TIAM2: variants seen among roughly 807,000 people sequenced by gnomAD.
TIAM2 encodes the protein TIAM Rac1 associated GEF 2, also known as rho guanine nucleotide exchange factor TIAM2.
TIAM2 carries 80 observed loss-of-function variants against 152.9 expected under a neutral mutation model. The observed-to-expected ratio is 0.52, with a 90% CI of 0.44 to 0.63. TIAM2 has a LOEUF of 0.63. Ranked by LOEUF, TIAM2 falls within the 30% of genes least tolerant of loss-of-function variation. The pLI, the probability that TIAM2 is intolerant of heterozygous loss-of-function variation, is 0.00. For synonymous variants in TIAM2, 804 were observed against 838.0 expected, an observed-to-expected ratio of 0.96 and a Z score of 0.70; for missense variants, 1,965 against 2,120.1, an observed-to-expected ratio of 0.93 and a Z score of 1.44.
intron 5 of TIAM2, among the ~76,000 whole-genome samples, chr6:155,142,898 C>T (rs1230276776): frequency 4.6e-5 from 7 of 152,130 alleles, no homozygotes; most frequent in Admixed American, 4.6e-4. Flanking sequence ...GTGCTGTTAT[C>T]GGTTCTATTG....
intron 15 of TIAM2, among the ~76,000 whole-genome samples, chr6:155,229,856 C>T (rs534140306): frequency 1.1e-4 from 16 of 152,216 alleles, no homozygotes; most frequent in African/African-American, 3.4e-4. Flanking sequence ...TCTTACATGG[C>T]GGCAGGCAAG....
At chr6:155,100,034 C>T (rs1365668432) in intron 2 of TIAM2, among the ~76,000 whole-genome samples, 3 of 137,990 alleles carry the variant, frequency 2.2e-5, no homozygotes, top group South Asian at 2.2e-4. Context: ...GTGGAACCAC[C>T]GTATATGCAG....
intron 1 of TIAM2, among the ~76,000 whole-genome samples, chr6:155,020,494 C>T (rs1021724025): frequency 6.6e-6 from 1 of 152,074 alleles, no homozygotes; most frequent in African/African-American, 2.4e-5. Context: ...TGGAGTCTTG[C>T]TCTGTCTCCC....
chr6:155,163,507 G>A (rs1780328592), intron 7 of TIAM2, among the ~76,000 whole-genome samples: 1 of 152,198 alleles, frequency 6.6e-6, no homozygotes, highest in African/African-American at 2.4e-5. Flanking sequence ...GAAGTTCATA[G>A]TAACTTCTGT....
At chr6:155,217,617 T>C (rs551422011) in intron 15 of TIAM2, among the ~76,000 whole-genome samples, 1 of 152,360 alleles carries the variant, frequency 6.6e-6, no homozygotes. Flanking sequence ...TAGTTATTCT[T>C]GATGAAATAA....
intron 5 of TIAM2, among the ~76,000 whole-genome samples, chr6:155,139,576 A>G (rs933529751): frequency 9.9e-5 from 15 of 152,170 alleles, no homozygotes; most frequent in Non-Finnish European, 1.8e-4. Context: ...AAGAGATAAG[A>G]AAGTTCTGCT....
chr6:155,183,541 A>G lies in TIAM2; in HGVS notation c.3064+41A>G, dbSNP rs779169166. ...GTCTTCCTTCTTAACTGCTGGTATCAACAGCCAATATTTTTAGGCTGTAAT... is the reference window on the plus strand; with the variant it reads ...GTCTTCCTTCTTAACTGCTGGTATCGACAGCCAATATTTTTAGGCTGTAAT... On this transcript the variant is annotated intron_variant, in intron 14 of 26. Transcript: ENST00000682666. 4 of 1,552,544 alleles carry G rather than the reference A, an allele frequency of 2.6e-6. No individual in the cohort carries two copies. The Admixed American group carries it at 8.0e-5, about 31-fold the overall frequency.
intron 1 of TIAM2, among the ~76,000 whole-genome samples, chr6:155,018,306 ACTTGCTT>A (rs746753448): frequency 9.9e-5 from 15 of 151,332 alleles, no homozygotes; most frequent in Non-Finnish European, 2.1e-4. Flanking sequence ...AATTAATTTC[ACTTGCTT>A]CTTATTTTTT....
At chr6:155,182,168 T>G (rs949879543) in intron 12 of TIAM2, 58 bp from the exon 13 acceptor site, 2 of 1,420,090 alleles carry the variant, frequency 1.4e-6, no homozygotes, top group Non-Finnish European at 2.0e-6. Flanking sequence ...CCGGTGTGGT[T>G]GGAGAAATTC....
intron 20 of TIAM2, 38 bp from the exon 21 acceptor site, chr6:155,249,813 T>C: frequency 6.5e-7 from 1 of 1,545,690 alleles, no homozygotes; most frequent in Middle Eastern, 1.7e-4. Context: ...CTAAAACAAA[T>C]AACAGTTATG....
intron 2 of TIAM2, among the ~76,000 whole-genome samples, chr6:155,095,014 G>A (rs374976022): frequency 6.6e-6 from 1 of 152,184 alleles, no homozygotes; most frequent in East Asian, 1.9e-4. Context: ...CATGGAGAAG[G>A]AGTTGCCTGG....
intron 2 of TIAM2, among the ~76,000 whole-genome samples, chr6:155,108,903 C>G (rs1778761358): frequency 6.6e-6 from 1 of 152,036 alleles, no homozygotes; most frequent in Admixed American, 6.6e-5. Flanking sequence ...GTATGTGCCT[C>G]TAGGTTTGAC....
At chr6:155,127,687 G>C in intron 3 of TIAM2, 87 bp downstream of exon 3, 1 of 432,762 alleles carries the variant, frequency 2.3e-6, no homozygotes, top group South Asian at 1.7e-5. Flanking sequence ...ATTTGGGCTA[G>C]CGATTTTGGT....
intron 15 of TIAM2, among the ~76,000 whole-genome samples, chr6:155,235,274 T>C (rs1468488893): frequency 1.3e-5 from 2 of 152,210 alleles, no homozygotes; most frequent in African/African-American, 2.4e-5. Flanking sequence ...TAGCAGTTAC[T>C]TGATGGAATA....
rs1304734641 is a variant in TIAM2, at chr6:155,213,249, A to C, written c.3168+1942A>C. Among the ~76,000 whole-genome samples, 5 of 152,196 alleles carry C rather than the reference A, an allele frequency of 3.3e-5. No individual in the cohort carries two copies. The highest frequency in any genetic ancestry group is 5.9e-5 in the Non-Finnish European group (4 of 68,040). ...CAAGGGGAGGGTGAGCAAGGTGAAGAGGAGCTTTATTGAGCTGTAGAACAG... is the reference window on the plus strand; with the variant it reads ...CAAGGGGAGGGTGAGCAAGGTGAAGCGGAGCTTTATTGAGCTGTAGAACAG... On this transcript the variant is annotated intron_variant, in intron 15 of 26. Transcript: ENST00000682666. The surrounding 1 kb of genome is among the most constrained non-coding windows in gnomAD (Gnocchi z 4.2).
chr6:155,020,449 G>A (rs1481766203), intron 1 of TIAM2, among the ~76,000 whole-genome samples: 1 of 151,996 alleles, frequency 6.6e-6, no homozygotes, highest in Non-Finnish European at 1.5e-5. Flanking sequence ...TCAAATTACT[G>A]TATTAGCCTT....
In TIAM2 at chr6:155,066,054, C is replaced by T. The variant is rs889636337; in HGVS notation, c.-208-24235C>T. 2.6e-5 allele frequency among the ~76,000 whole-genome samples: 4 copies of T among 152,350 alleles called. No homozygotes were observed. The East Asian group carries it at 7.7e-4, about 29-fold the overall frequency. On this transcript the variant is annotated intron_variant, in intron 1 of 26. Coordinates refer to ENST00000682666, the MANE Select transcript of TIAM2 (RefSeq NM_012454.4). ...TAGCATTTAACTTTTGAAACTCTAA[C>T]TCCACTCTGAAGCCTTCCCGGAAAA...
At chr6:155,143,731 T>C (rs1011457060) in intron 5 of TIAM2, among the ~76,000 whole-genome samples, 1 of 152,128 alleles carries the variant, frequency 6.6e-6, no homozygotes, top group Non-Finnish European at 1.5e-5. Flanking sequence ...GATGAGGGCT[T>C]TGGGGCCAGA....
chr6:155,182,140 A>T (rs916989302), intron 12 of TIAM2, 86 bp from the exon 13 acceptor site: 2 of 1,060,010 alleles, frequency 1.9e-6, no homozygotes, highest in African/African-American at 3.1e-5. Context: ...ATGAGAAAAG[A>T]TGTTCAAGGA....
Sources: gnomAD v4.1 joint callset for allele counts (sites outside exome capture counted in the v4.1 genomes callset) on GRCh38, gnomAD v4.1.1 for gene constraint, Gnocchi (gnomAD v3.1) non-coding constraint, MANE v1.5 for transcripts, NCBI Gene and HGNC (gene_info 2026-07-23, HGNC 2026-07-21) for gene names.